Variants in DST observed in about 807,000 individuals in gnomAD.
The protein encoded by DST is dystonin.
In DST, 253 loss-of-function variants were observed where a neutral mutation model predicts 875.2. The observed-to-expected ratio is 0.29, with a 90% confidence interval of 0.26 to 0.32. The LOEUF is 0.32. Ranked by LOEUF, DST falls within the 10% of genes least tolerant of loss-of-function variation. The probability of loss-of-function intolerance (pLI) is 1.00; values close to 1 mark genes in which losing one functional copy is unlikely to be tolerated. For missense variants in DST, 8,287 were observed against 9,111.6 expected, an observed-to-expected ratio of 0.91 and a Z score of 3.68; for synonymous variants, 3,124 against 3,197.1, an observed-to-expected ratio of 0.98 and a Z score of 0.77.
At chr6:56,629,662 C>T (rs1272604156) in intron 31 of DST, among the ~76,000 whole-genome samples, 2 of 152,150 alleles carry the variant, frequency 1.3e-5, no homozygotes, top group Non-Finnish European at 2.9e-5. Flanking sequence ...AACGTTCAGC[C>T]TAATAAAATT....
intron 32 of DST, 77 bp from the exon 33 acceptor site, chr6:56,628,238 G>C: frequency 7.5e-7 from 1 of 1,326,474 alleles, no homozygotes; most frequent in East Asian, 2.3e-5. Context: ...AGATGGGAGA[G>C]ACAAAATAAT....
At chr6:56,743,516 C>G (rs2099555516) in intron 4 of DST, among the ~76,000 whole-genome samples, 3 of 152,156 alleles carry the variant, frequency 2.0e-5, no homozygotes, top group Admixed American at 6.5e-5. Flanking sequence ...ATCTTTAGAG[C>G]CCTTGCCTCC....
chr6:56,851,191 G>A, intron 4 of DST: 1 of 573,184 alleles, frequency 1.7e-6, no homozygotes. Context: ...AGAAGGCAGG[G>A]CCAAACAGCT....
intron 4 of DST, among the ~76,000 whole-genome samples, chr6:56,822,730 A>G (rs1390202949): frequency 6.6e-6 from 1 of 152,154 alleles, no homozygotes; most frequent in Admixed American, 6.5e-5. Flanking sequence ...CCCTAGCAGT[A>G]TACCTCTAGA....
chr6:56,948,758 T>C (rs935305756), intron 2 of DST, among the ~76,000 whole-genome samples: 9 of 152,218 alleles, frequency 5.9e-5, no homozygotes, highest in Non-Finnish European at 1.0e-4. Flanking sequence ...ATTCCAACCA[T>C]TCCTTTTCTA....
intron 61 of DST, among the ~76,000 whole-genome samples, chr6:56,548,217 G>C (rs918512657): frequency 8.5e-5 from 13 of 152,214 alleles, no homozygotes; most frequent in African/African-American, 3.1e-4. Context: ...ATCTTGTCAT[G>C]TTATTTAAGA....
intron 4 of DST, among the ~76,000 whole-genome samples, chr6:56,837,491 G>A (rs917109839): frequency 1.3e-5 from 2 of 151,872 alleles, no homozygotes; most frequent in Non-Finnish European, 2.9e-5. Flanking sequence ...TCAGTCCTCC[G>A]CGCTGCTGCC....
intron 80 of DST, among the ~76,000 whole-genome samples, chr6:56,499,739 T>C (rs2096057602): frequency 6.6e-6 from 1 of 152,138 alleles, no homozygotes; most frequent in Non-Finnish European, 1.5e-5. Flanking sequence ...TCAGGGTGCC[T>C]CATTTTTCCA....
intron 2 of DST, among the ~76,000 whole-genome samples, chr6:56,927,245 C>A (rs1807670419): frequency 6.6e-6 from 1 of 151,862 alleles, no homozygotes; most frequent in Admixed American, 6.6e-5. Flanking sequence ...TATATGATAC[C>A]AAACTAGTAC....
intron 75 of DST, among the ~76,000 whole-genome samples, chr6:56,507,179 T>C (rs2096343687): frequency 6.6e-6 from 1 of 152,222 alleles, no homozygotes; most frequent in Non-Finnish European, 1.5e-5. Context: ...TATTTGTTAG[T>C]AGATTTAGAA....
intron 9 of DST, among the ~76,000 whole-genome samples, chr6:56,694,034 C>T (rs1349567210): frequency 2.7e-5 from 4 of 148,646 alleles, no homozygotes; most frequent in Admixed American, 2.7e-4. Flanking sequence ...AATATATGTG[C>T]ATTCATATAT....
At position 56,619,057 on chromosome 6, in the gene DST, C is replaced by T; in HGVS notation, c.4930-4573G>A. On this transcript the variant is annotated intron_variant, in intron 36 of 103. Coordinates refer to ENST00000680361, the MANE Select transcript of DST (RefSeq NM_001374736.1). Reference sequence around the variant, plus strand: ...CACACTTTTGCTTAAATTCACTTACCAAATTTTGACTTTTCGCCAGGTCTT... The same window carrying T: ...CACACTTTTGCTTAAATTCACTTACTAAATTTTGACTTTTCGCCAGGTCTT... 1.7e-5 allele frequency: 28 copies of T among 1,614,042 alleles called. No homozygotes were observed. The highest frequency in any genetic ancestry group is 2.4e-5 in the Non-Finnish European group (28 of 1,180,008).
chr6:56,624,017 C>G (rs572101684), intron 36 of DST, among the ~76,000 whole-genome samples: 9 of 151,302 alleles, frequency 5.9e-5, no homozygotes, highest in African/African-American at 2.2e-4. Context: ...CTCCAAAATT[C>G]TTAAAAAGTA....
intron 22 of DST, among the ~76,000 whole-genome samples, chr6:56,637,833 C>T (rs2098840746): frequency 6.6e-6 from 1 of 152,014 alleles, no homozygotes; most frequent in African/African-American, 2.4e-5. Context: ...TGGAAAAGTT[C>T]ATTCCTGCTG....
rs374782901 is a variant in DST, at chr6:56,719,464, C to G, written c.688-15095G>C. ...GTTACCAAGTGGTCTAGTTAGGAAA[C>G]AGATTAATCTGAGTGATAAAGGAAA... is the stretch of plus-strand genomic sequence containing the variant. On this transcript the variant is annotated intron_variant, in intron 5 of 103. Transcript: ENST00000680361. Among the ~76,000 whole-genome samples, 208 of 152,282 alleles carry G rather than the reference C, an allele frequency of 1.4e-3. 7 individuals are homozygous for G. The South Asian group carries it at 0.042, about 31-fold the overall frequency.
At position 56,650,297 on chromosome 6, in the gene DST, T is replaced by G. The variant is rs1052859474; in HGVS notation, c.1434+629A>C. Among the ~76,000 whole-genome samples, 6 of 122,646 alleles carry G rather than the reference T, an allele frequency of 4.9e-5. No homozygotes were observed. In the Admixed American group the frequency reaches 6.3e-4, roughly 13 times the overall value. The allele number at this position is 122,646 out of a possible 152,430, so 80.5% of individuals were successfully genotyped here. On this transcript the variant is annotated intron_variant, in intron 12 of 103. Transcript: ENST00000680361. Reference sequence around the variant, plus strand: ...CTGGGCTTCCTGTTCTCTTCAGAAATGCATAAGCACTTGTTAGCATAACCA... The same window carrying G: ...CTGGGCTTCCTGTTCTCTTCAGAAAGGCATAAGCACTTGTTAGCATAACCA...
intron 3 of DST, among the ~76,000 whole-genome samples, chr6:56,870,690 G>A (rs908384655): frequency 2.6e-5 from 4 of 151,996 alleles, no homozygotes; most frequent in Non-Finnish European, 4.4e-5. Context: ...TTGAACCCGG[G>A]AGGTAGAGGT....
intron 61 of DST, among the ~76,000 whole-genome samples, chr6:56,546,966 T>C (rs936093460): frequency 6.6e-6 from 1 of 152,124 alleles, no homozygotes. Context: ...TACCAAAAAA[T>C]CCTACATTAT....
At chr6:56,811,846 G>A (rs1452384611) in intron 4 of DST, among the ~76,000 whole-genome samples, 1 of 152,042 alleles carries the variant, frequency 6.6e-6, no homozygotes, top group African/African-American at 2.4e-5. Flanking sequence ...TGTAATCCCA[G>A]CACTTTGGGA....
Sources: gnomAD v4.1 joint callset for allele counts (sites outside exome capture counted in the v4.1 genomes callset) on GRCh38, gnomAD v4.1.1 for gene constraint, MANE v1.5 for transcripts, NCBI Gene and HGNC (gene_info 2026-07-23, HGNC 2026-07-21) for gene names.